The following ARID3A variants were observed in gnomAD, a reference collection of about 807,000 sequenced individuals.
ARID3A encodes the protein AT-rich interactive domain-containing protein 3A.
Under a neutral mutation model 52.7 loss-of-function variants are expected in ARID3A, and 11 were observed. The observed-to-expected ratio is 0.21, with a 90% confidence interval of 0.13 to 0.35. The LOEUF (loss-of-function observed/expected upper bound fraction) is 0.35, where lower values mean the gene tolerates loss of function less well. Ranked by LOEUF, ARID3A falls within the 10% of genes least tolerant of loss-of-function variation. ARID3A has a pLI of 1.00. For synonymous variants in ARID3A, 404 were observed against 359.4 expected (o/e 1.12, Z -1.40); for missense variants, 721 against 838.5 (o/e 0.86, Z 1.73).
intron 7 of ARID3A, among the ~76,000 whole-genome samples, chr19:967,277 A>G (rs1383834062): frequency 6.6e-6 from 1 of 151,538 alleles, no homozygotes; most frequent in East Asian, 1.9e-4. Context: ...AAAAATAATA[A>G]AGTAAACTGG....
chr19:960,809 A>G lies in ARID3A; in HGVS notation c.766+645A>G, dbSNP rs1290513344. ...CACACTTATTGGGCACCAACGGTATACCAGGCTCTGTGCCCCCAAAGTCTC... is the reference window on the plus strand; with the variant it reads ...CACACTTATTGGGCACCAACGGTATGCCAGGCTCTGTGCCCCCAAAGTCTC... On this transcript the variant is annotated intron_variant, in intron 4 of 8. Coordinates refer to ENST00000263620, the MANE Select transcript of ARID3A (RefSeq NM_005224.3). The surrounding 1 kb of genome is among the most constrained non-coding windows in gnomAD (Gnocchi z 4.3). Among the ~76,000 whole-genome samples, 4 of 152,126 alleles carry G rather than the reference A, an allele frequency of 2.6e-5. No homozygotes were observed. Among genetic ancestry groups the G allele is most frequent in the African/African-American group, 9.7e-5 (4 of 41,410 alleles).
chr19:926,132 C>G (rs2037190659), intron 1 of ARID3A, 73 bp downstream of exon 1: 1 of 150,384 alleles, frequency 6.6e-6, no homozygotes. Context: ...GGCTGGAAGC[C>G]AGGCGGGCCC....
intron 7 of ARID3A, among the ~76,000 whole-genome samples, chr19:967,758 GT>G (rs563787619): frequency 3.0e-4 from 45 of 152,156 alleles, no homozygotes; most frequent in Admixed American, 3.9e-4. Flanking sequence ...AGAAATGGCA[GT>G]TTTGGTCGGG....
rs2038205489 is a variant in ARID3A at position 968,340 on chromosome 19, C to T, written c.1496-65C>T. On this transcript the variant is annotated intron_variant, in intron 7 of 8. Transcript: ENST00000263620. The stretch of plus-strand genomic sequence containing the variant: ...CGCCACTGCACTCCAGCCTGGGCAA[C>T]AGAGCAAGACTCTGTCTCAAAAAAA... The T allele has an allele frequency of 8.4e-6, 12 of 1,432,244 alleles. No individual in the cohort carries two copies. In the Admixed American group the frequency reaches 1.7e-4, roughly 21 times the overall value. The allele number at this position is 1,432,244 out of a possible 1,614,324, so 88.7% of individuals were successfully genotyped here. A position where few individuals can be genotyped will look rare whatever the true frequency, so the allele number is the denominator to read the frequency against.
At chr19:971,008 G>A (rs974185292) in intron 8 of ARID3A, among the ~76,000 whole-genome samples, 1 of 152,188 alleles carries the variant, frequency 6.6e-6, no homozygotes, top group Admixed American at 6.5e-5. Flanking sequence ...AGGGGAGAAG[G>A]CCAACTGTGT....
At chr19:939,977 C>T (rs994871269) in intron 3 of ARID3A, among the ~76,000 whole-genome samples, 12 of 152,020 alleles carry the variant, frequency 7.9e-5, no homozygotes, top group African/African-American at 2.2e-4. Flanking sequence ...GCCGTGGCCT[C>T]GCCACGTCCA....
intron 3 of ARID3A, among the ~76,000 whole-genome samples, chr19:933,203 C>T (rs771362320): frequency 1.5e-4 from 23 of 151,968 alleles, no homozygotes; most frequent in Admixed American, 5.2e-4. Context: ...AGCTGGCAGC[C>T]GAGGGGATGT....
intron 8 of ARID3A, among the ~76,000 whole-genome samples, chr19:971,349 T>G (rs945842674): frequency 1.3e-5 from 2 of 152,178 alleles, no homozygotes; most frequent in African/African-American, 2.4e-5. Context: ...CAGTGGCTCA[T>G]GCCTGTCATC....
rs2037639363 is a variant in ARID3A, at chr19:944,699, C to T, written c.693+11957C>T. On this transcript the variant is annotated intron_variant, in intron 3 of 8. Transcript: ENST00000263620. This position sits in a 1 kb window ranked among gnomAD's most constrained non-coding sequence, Gnocchi z 5.9. ...GGAGTGCCGCGGTGCAGTCATAGCT[C>T]ACTGCAGCCTCGACCTCCCGGGCTC... Among the ~76,000 whole-genome samples, 1 of 152,158 alleles carries T rather than the reference C, an allele frequency of 6.6e-6. No individual in the cohort carries two copies. The highest frequency in any genetic ancestry group is 2.4e-5 in the African/African-American group (1 of 41,446).
At chr19:961,873 T>C (rs1683585) in intron 4 of ARID3A, 99,720 of 152,124 alleles carry the variant, frequency 0.66, 33,330 homozygotes, top group Middle Eastern at 0.78. Flanking sequence ...GAGCCGAGAT[T>C]GCAGCACTGC....
intron 7 of ARID3A, among the ~76,000 whole-genome samples, chr19:967,091 C>G (rs1213359357): frequency 6.6e-6 from 1 of 151,990 alleles, no homozygotes; most frequent in African/African-American, 2.4e-5. Flanking sequence ...AACTCCATCT[C>G]TACTAAAAAT....
In ARID3A at chr19:973,269, C is replaced by T. The variant is rs1431834812; in HGVS notation, c.*1204C>T. Reference sequence around the variant, plus strand: ...CTGGGATTACAGGCGCCCGCCACCACGCCCAGTTAATTTTTGTATTTTTAG... The same window carrying T: ...CTGGGATTACAGGCGCCCGCCACCATGCCCAGTTAATTTTTGTATTTTTAG... On this transcript the variant is annotated 3_prime_UTR_variant, in exon 9 of 9. Transcript: ENST00000263620. The T allele has an allele frequency of 5.1e-5, 9 of 176,508 alleles. No individual in the cohort carries two copies. Among genetic ancestry groups the T allele is most frequent in the South Asian group, 4.0e-4 (2 of 5,010 alleles). The allele number at this position is 176,508 out of a possible 1,614,324, so 10.9% of individuals were successfully genotyped here. A position where few individuals can be genotyped will look rare whatever the true frequency, so the allele number is the denominator to read the frequency against.
chr19:934,735 G>A (rs1343046311), intron 3 of ARID3A, among the ~76,000 whole-genome samples: 1 of 152,116 alleles, frequency 6.6e-6, no homozygotes, highest in Non-Finnish European at 1.5e-5. Flanking sequence ...GATGGTCGTG[G>A]GCAGCGGGGG....
At position 959,822 on chromosome 19, in the gene ARID3A, C is replaced by A. The variant is rs1458326446; in HGVS notation, c.694-270C>A. On this transcript the variant is annotated intron_variant, in intron 3 of 8. Transcript: ENST00000263620. This position sits in a 1 kb window ranked among gnomAD's most constrained non-coding sequence, Gnocchi z 5.0. ...ATCTGGGGTTCCCGGGCCCCTGGAC[C>A]GGGAGAGGACACTGTCTTGTCCCAG... Among the ~76,000 whole-genome samples, 1 of 152,134 alleles carries A rather than the reference C, an allele frequency of 6.6e-6. No homozygotes were observed. Among genetic ancestry groups the A allele is most frequent in the Non-Finnish European group, 1.5e-5 (1 of 68,018 alleles).
intron 3 of ARID3A, among the ~76,000 whole-genome samples, chr19:933,817 G>A (rs1043304730): frequency 2.2e-5 from 3 of 138,548 alleles, no homozygotes; most frequent in Non-Finnish European, 3.1e-5. Context: ...CGGTGTGGGA[G>A]AATGGCCAGG....
chr19:967,039 C>A (rs113694577), intron 7 of ARID3A, among the ~76,000 whole-genome samples, 171 bp downstream of exon 7: 1 of 152,086 alleles, frequency 6.6e-6, no homozygotes, highest in Non-Finnish European at 1.5e-5. Flanking sequence ...GGGTGGATCA[C>A]TTGAGGTCAG....
Position 973,357 on chromosome 19 carries a change from G to C in ARID3A, c.*1292G>C, listed in dbSNP as rs2038321272. On this transcript the variant is annotated 3_prime_UTR_variant, in exon 9 of 9. Coordinates refer to ENST00000263620, the MANE Select transcript of ARID3A (RefSeq NM_005224.3). Reference sequence around the variant, plus strand: ...TCGAACTCCTGACCTCAGGTGATCTGCCCGCCTTGGCCTCCCAAAGTGCTG... The same window carrying C: ...TCGAACTCCTGACCTCAGGTGATCTCCCCGCCTTGGCCTCCCAAAGTGCTG... 5.5e-6 allele frequency: 1 copy of C among 181,420 alleles called. No individual in the cohort carries two copies. The highest frequency in any genetic ancestry group is 2.0e-4 in the South Asian group (1 of 5,066). The allele number at this position is 181,420 out of a possible 1,614,324, so 11.2% of individuals were successfully genotyped here.
rs150609955 is a variant in ARID3A, at chr19:972,016, C to T, written c.1733C>T (p.Ala578Val). The T allele has an allele frequency of 2.1e-5, 34 of 1,596,212 alleles. 1 individual carries two copies. Among genetic ancestry groups the T allele is most frequent in the South Asian group, 1.3e-4 (12 of 89,934 alleles). ...ACCAGCGGCGGCCAGGCTGGGCCAG[C>T]GGGGCTGTCCACACCCTCCACATCT... ...TGTSGGQAGP[A>V]GLSTPSTSTS... The change falls in exon 9 of 9, where the codon GCG (alanine) becomes GTG (valine). Residue 578 changes from alanine to valine, a missense_variant. Ala to Val is a moderately conservative substitution (Grantham distance 64, BLOSUM62 0). Around this residue, in one of 5 missense-constraint regions of ARID3A, gnomAD observed 297 missense variants for 343.2 expected, o/e 0.87. Transcript: ENST00000263620.
In ARID3A at chr19:929,775, G is replaced by C; in HGVS notation, c.247G>C (p.Asp83His). 6.4e-7 allele frequency: 1 copy of C among 1,552,562 alleles called. No individual in the cohort carries two copies. The highest frequency in any genetic ancestry group is 8.7e-7 in the Non-Finnish European group (1 of 1,153,936). The change falls in exon 2 of 9, where the codon GAT becomes CAT. Residue 83 changes from aspartate to histidine, a missense_variant. Asp to His is a moderately conservative substitution (Grantham distance 81). This residue lies in a region of ARID3A where 349 missense variants were observed against 297.3 expected (regional missense o/e 1.17). Coordinates refer to ENST00000263620, the MANE Select transcript of ARID3A (RefSeq NM_005224.3). This position sits in a 1 kb window ranked among gnomAD's most constrained non-coding sequence, Gnocchi z 6.2. ...CCCAGCCAGCCCCGGCGGCTCTGAGGATGGGCCCCCAGGCTCGGAGGAGGA... is the reference window on the plus strand; with the variant it reads ...CCCAGCCAGCCCCGGCGGCTCTGAGCATGGGCCCCCAGGCTCGGAGGAGGA... ...GHPASPGGSE[D>H]GPPGSEEEDA...
Sources: gnomAD v4.1 joint callset for allele counts (sites outside exome capture counted in the v4.1 genomes callset) on GRCh38, gnomAD v4.1.1 for gene constraint, gnomAD v4.1.1 regional missense constraint, Gnocchi (gnomAD v3.1) non-coding constraint, MANE v1.5 for transcripts, NCBI Gene and HGNC (gene_info 2026-07-23, HGNC 2026-07-21) for gene names.